The following SH2D4B variants were observed in gnomAD, a reference collection of about 807,000 sequenced individuals.
SH2D4B encodes SH2 domain-containing protein 4B.
SH2D4B carries 45 observed loss-of-function variants against 61.5 expected under a neutral mutation model. That is an observed-to-expected ratio of 0.73 (90% CI 0.58 to 0.94). The LOEUF is 0.94. Ranked by LOEUF, SH2D4B falls within the 40% of genes least tolerant of loss-of-function variation. SH2D4B has a pLI of 0.00. For missense variants in SH2D4B, 572 were observed against 574.2 expected, an observed-to-expected ratio of 1.00 and a Z score of 0.04; for synonymous variants, 224 against 220.4, an observed-to-expected ratio of 1.02 and a Z score of -0.14.
intron 3 of SH2D4B, among the ~76,000 whole-genome samples, chr10:80,572,982 A>ATTTTTTTTTTTTTTTTTTTT (rs1247462135): frequency 1.1e-4 from 1 of 9,258 alleles, no homozygotes; most frequent in Non-Finnish European, 1.8e-4. Flanking sequence ...ATATATATAT[A>ATTTTTTTTTTTTTTTTTTTT]TATATTTTTT....
intron 3 of SH2D4B, among the ~76,000 whole-genome samples, chr10:80,586,985 A>G (rs958597078): frequency 6.6e-6 from 1 of 152,116 alleles, no homozygotes; most frequent in Non-Finnish European, 1.5e-5. Context: ...CGAACCCACC[A>G]GAAGGAAGAA....
At position 80,538,300 on chromosome 10, in the gene SH2D4B, G is replaced by A. The variant is rs1841531771; in HGVS notation, c.-32G>A. The A allele has an allele frequency of 3.1e-6, 4 of 1,287,864 alleles. No homozygotes were observed. Among genetic ancestry groups the A allele is most frequent in the Non-Finnish European group, 4.0e-6 (4 of 1,008,842 alleles). The allele number at this position is 1,287,864 out of a possible 1,614,324, so 79.8% of individuals were successfully genotyped here. ...CCTGGCCCTGCTTCCCCTGCTGGCT[G>A]CCCTTCTGGTGCGTGCATCCCAGGT... On this transcript the variant is annotated 5_prime_UTR_variant, in exon 1 of 8. Transcript: ENST00000646907. This position sits in a 1 kb window ranked among gnomAD's most constrained non-coding sequence, Gnocchi z 4.8.
intron 1 of SH2D4B, among the ~76,000 whole-genome samples, chr10:80,568,133 G>A (rs1400166439): frequency 6.6e-6 from 1 of 151,656 alleles, no homozygotes; most frequent in Non-Finnish European, 1.5e-5. Flanking sequence ...TGTCGCTCAG[G>A]CTGGAGTGCA....
In SH2D4B at chr10:80,613,977, G is replaced by A. The variant is rs550686774; in HGVS notation, c.988+4426G>A. Among the ~76,000 whole-genome samples the A allele has an allele frequency of 5.3e-4, 80 of 152,282 alleles. No homozygotes were observed. The South Asian group carries it at 0.016, about 31-fold the overall frequency. On this transcript the variant is annotated intron_variant, in intron 6 of 7. Transcript: ENST00000646907. Reference sequence around the variant, plus strand: ...GGAAGGGAAGGAAATATAAATCACAGAAGTCATTTTAATGATTACTTCGGG... The same window carrying A: ...GGAAGGGAAGGAAATATAAATCACAAAAGTCATTTTAATGATTACTTCGGG...
chr10:80,587,750 C>T (rs999077580), intron 3 of SH2D4B, among the ~76,000 whole-genome samples: 3 of 152,130 alleles, frequency 2.0e-5, no homozygotes, highest in African/African-American at 7.2e-5. Flanking sequence ...TCCCTGTCTC[C>T]CACTTGCAGT....
At chr10:80,550,190 C>T (rs1171317852) in intron 1 of SH2D4B, among the ~76,000 whole-genome samples, 1 of 152,138 alleles carries the variant, frequency 6.6e-6, no homozygotes, top group African/African-American at 2.4e-5. Flanking sequence ...AGATGGAGGG[C>T]CTGTCAGGCC....
intron 2 of SH2D4B, 63 bp from the exon 3 acceptor site, chr10:80,571,368 T>G: frequency 6.5e-7 from 1 of 1,535,608 alleles, no homozygotes; most frequent in Non-Finnish European, 8.8e-7. Context: ...TATTTCAAGT[T>G]CTATTGTTAG....
At chr10:80,620,340 C>T (rs568058411) in intron 6 of SH2D4B, among the ~76,000 whole-genome samples, 1 of 152,222 alleles carries the variant, frequency 6.6e-6, no homozygotes, top group Admixed American at 6.5e-5. Flanking sequence ...AAGATGTGCT[C>T]GCTTCCCCTT....
intron 3 of SH2D4B, 110 bp downstream of exon 3, chr10:80,571,688 C>T (rs979466394): frequency 8.1e-6 from 10 of 1,234,812 alleles, no homozygotes; most frequent in Non-Finnish European, 1.1e-5. Context: ...GTACTGGGTG[C>T]TTTATGAGAA....
intron 1 of SH2D4B, among the ~76,000 whole-genome samples, chr10:80,564,400 G>A (rs1271010907): frequency 6.6e-6 from 1 of 152,130 alleles, no homozygotes; most frequent in Admixed American, 6.6e-5. Flanking sequence ...AGCCGCACTT[G>A]CAAGATTCCT....
rs60774703 is a variant in SH2D4B at position 80,566,090 on chromosome 10, C to CAAAAAAAAAAAAAA, written c.185-4049_185-4036dup. On this transcript the variant is annotated intron_variant, in intron 1 of 7. Transcript: ENST00000646907. ...TGGGTGACAGAGCGAGACTCCGGCT[C>CAAAAAAAAAAAAAA]AAAAAAAAAAAAAAAAAAAAAAAAA... Among the ~76,000 whole-genome samples, 9 of 23,816 alleles carry CAAAAAAAAAAAAAA rather than the reference C, an allele frequency of 3.8e-4. 1 individual carries two copies. Among genetic ancestry groups the CAAAAAAAAAAAAAA allele is most frequent in the African/African-American group, 1.4e-3 (8 of 5,848 alleles). 15.6% of individuals were successfully genotyped at this position (23,816 alleles called of 152,430 possible).
chr10:80,599,915 G>A (rs1409915193), intron 4 of SH2D4B, among the ~76,000 whole-genome samples: 1 of 152,076 alleles, frequency 6.6e-6, no homozygotes, highest in African/African-American at 2.4e-5. Context: ...AAGAGACCCT[G>A]ACTCCACACA....
At chr10:80,640,843 G>T (rs1840279050) in intron 7 of SH2D4B, among the ~76,000 whole-genome samples, 1 of 152,218 alleles carries the variant, frequency 6.6e-6, no homozygotes, top group African/African-American at 2.4e-5. Flanking sequence ...CTGCTGAGGA[G>T]CTGCGATCCT....
At chr10:80,641,318 C>A (rs1411637286) in intron 7 of SH2D4B, among the ~76,000 whole-genome samples, 2 of 152,222 alleles carry the variant, frequency 1.3e-5, no homozygotes, top group Non-Finnish European at 2.9e-5. Context: ...AGAACCACTG[C>A]TCTCTTCAGA....
chr10:80,634,336 G>A lies in SH2D4B; in HGVS notation c.1040G>A (p.Gly347Glu). The A allele has an allele frequency of 6.5e-7, 1 of 1,549,294 alleles. No individual in the cohort carries two copies. The highest frequency in any genetic ancestry group is 8.7e-7 in the Non-Finnish European group (1 of 1,145,996). Residue 347 changes from glycine to glutamate, a missense_variant, in exon 7 of 8, where the codon GGA becomes GAA. Gly to Glu is a moderately conservative substitution (Grantham distance 98). Coordinates refer to ENST00000646907, the MANE Select transcript of SH2D4B (RefSeq NM_001388272.1). Reference sequence around the variant, plus strand: ...GCTCTCCTGGAGAACATGACTGAGGGAGCATTCCTGGTCCGGGTCAGTGAG... The same window carrying A: ...GCTCTCCTGGAGAACATGACTGAGGAAGCATTCCTGGTCCGGGTCAGTGAG... ...AEALLENMTE[G>E]AFLVRVSEKI...
At chr10:80,610,234 A>G (rs1409682979) in intron 6 of SH2D4B, among the ~76,000 whole-genome samples, 2 of 151,952 alleles carry the variant, frequency 1.3e-5, no homozygotes, top group African/African-American at 4.8e-5. Flanking sequence ...CTCCTTACCT[A>G]CAGCAGCCTT....
At chr10:80,549,035 G>T (rs1430392977) in intron 1 of SH2D4B, among the ~76,000 whole-genome samples, 1 of 152,184 alleles carries the variant, frequency 6.6e-6, no homozygotes, top group Admixed American at 6.5e-5. Context: ...CATCATGGTG[G>T]GTGCAGGAAG....
Position 80,614,183 on chromosome 10 carries a change from A to G in SH2D4B, c.988+4632A>G, listed in dbSNP as rs533886351. Among the ~76,000 whole-genome samples, 4 of 152,344 alleles carry G rather than the reference A, an allele frequency of 2.6e-5. No homozygotes were observed. In the East Asian group the frequency reaches 7.7e-4, roughly 29 times the overall value. On this transcript the variant is annotated intron_variant, in intron 6 of 7. Transcript: ENST00000646907. ...ACAAATACCCGAGGCTGGGTAATTTATAAAGAAAAGTGGTTTAATTGACTC... is the reference window on the plus strand; with the variant it reads ...ACAAATACCCGAGGCTGGGTAATTTGTAAAGAAAAGTGGTTTAATTGACTC...
chr10:80,640,509 A>G (rs1490994512), intron 7 of SH2D4B, among the ~76,000 whole-genome samples: 1 of 151,824 alleles, frequency 6.6e-6, no homozygotes, highest in Non-Finnish European at 1.5e-5. Flanking sequence ...TTTTCTCTAA[A>G]TTTCTCTTCT....
Sources: allele counts gnomAD v4.1 joint callset (sites outside exome capture counted in the v4.1 genomes callset), GRCh38; gene constraint gnomAD v4.1.1; non-coding constraint Gnocchi (gnomAD v3.1); transcripts MANE v1.5; gene names NCBI Gene and HGNC (gene_info 2026-07-23, HGNC 2026-07-21).